The following LARP1 variants were observed in gnomAD, a reference collection of about 807,000 sequenced individuals.
The protein encoded by LARP1 is La ribonucleoprotein 1, translational regulator.
Under a neutral mutation model 122.7 loss-of-function variants are expected in LARP1, and 36 were observed. The observed-to-expected ratio is 0.29, with a 90% CI of 0.22 to 0.39. LARP1 has a LOEUF of 0.39. Among genes scored for constraint, LARP1 ranks in the 10% least tolerant of loss-of-function variants. LARP1 has a pLI of 1.00. For synonymous variants in LARP1, 539 were observed against 528.7 expected (o/e 1.02, Z -0.27); for missense variants, 1,040 against 1,403.6 (o/e 0.74, Z 4.14).
At chr5:154,765,510 C>T (rs1754867758) in intron 1 of LARP1, among the ~76,000 whole-genome samples, 1 of 152,202 alleles carries the variant, frequency 6.6e-6, no homozygotes, top group Non-Finnish European at 1.5e-5. Flanking sequence ...TCCACCTCAG[C>T]CTCCAGAGTA....
chr5:154,795,643 A>G (rs1013668026), intron 8 of LARP1, among the ~76,000 whole-genome samples: 2 of 151,730 alleles, frequency 1.3e-5, no homozygotes, highest in African/African-American at 4.8e-5. Flanking sequence ...AGAAAATCCT[A>G]GAAAACCTAG....
chr5:154,792,587 C>A lies in LARP1; in HGVS notation c.565-35C>A. The A allele has an allele frequency of 3.1e-6, 5 of 1,602,906 alleles. No individual in the cohort carries two copies. In the South Asian group the frequency reaches 3.3e-5, roughly 11 times the overall value. On this transcript the variant is annotated intron_variant, in intron 3 of 18. Transcript: ENST00000518297. Reference sequence around the variant, plus strand: ...TCCCTCCTATACCATGAGGCACTCACACTCACCTCACTGTTACTTTACTTC... The same window carrying A: ...TCCCTCCTATACCATGAGGCACTCAAACTCACCTCACTGTTACTTTACTTC...
At chr5:154,788,449 T>G (rs1472437264) in intron 1 of LARP1, among the ~76,000 whole-genome samples, 1 of 152,096 alleles carries the variant, frequency 6.6e-6, no homozygotes, top group Non-Finnish European at 1.5e-5. Flanking sequence ...GCAAGGACAC[T>G]CTCTACTCAT....
intron 1 of LARP1, among the ~76,000 whole-genome samples, chr5:154,714,151 G>A (rs936061848): frequency 6.6e-6 from 1 of 152,170 alleles, no homozygotes; most frequent in African/African-American, 2.4e-5. Flanking sequence ...AACAAAGTCT[G>A]TTCCATGGAA....
chr5:154,699,788 C>G (rs889810826), intron 1 of LARP1, among the ~76,000 whole-genome samples: 1 of 152,188 alleles, frequency 6.6e-6, no homozygotes, highest in African/African-American at 2.4e-5. Context: ...TACCCCAGCA[C>G]ATGCCCCTTC....
chr5:154,801,859 A>G (rs1460204633), intron 10 of LARP1, 148 bp from the exon 11 acceptor site: 3 of 682,504 alleles, frequency 4.4e-6, no homozygotes, highest in Admixed American at 2.9e-5. Flanking sequence ...GACTCCCAGG[A>G]TGACGCTTGT....
At chr5:154,725,557 GA>G (rs1168452618) in intron 1 of LARP1, among the ~76,000 whole-genome samples, 15 of 145,222 alleles carry the variant, frequency 1.0e-4, no homozygotes, top group Non-Finnish European at 1.4e-4. Flanking sequence ...CTCAAAAGAA[GA>G]AAAAAAAAAG....
At chr5:154,764,772 G>A (rs533685804) in intron 1 of LARP1, among the ~76,000 whole-genome samples, 14 of 151,374 alleles carry the variant, frequency 9.2e-5, no homozygotes, top group African/African-American at 2.7e-4. Flanking sequence ...GGGCGTCATC[G>A]TGCACACCTG....
At chr5:154,768,893 A>AT (rs1245959107) in intron 1 of LARP1, among the ~76,000 whole-genome samples, 1 of 151,124 alleles carries the variant, frequency 6.6e-6, no homozygotes, top group African/African-American at 2.4e-5. Context: ...ATTTTACTTT[A>AT]TTTTTTTGCG....
At chr5:154,739,964 T>C (rs542411416) in intron 1 of LARP1, among the ~76,000 whole-genome samples, 15 of 149,948 alleles carry the variant, frequency 1.0e-4, no homozygotes, top group African/African-American at 3.4e-4. Flanking sequence ...TTCAGGAGGC[T>C]GAGGCAGGAG....
At chr5:154,699,136 A>C (rs146367721) in intron 1 of LARP1, among the ~76,000 whole-genome samples, 1 of 152,156 alleles carries the variant, frequency 6.6e-6, no homozygotes. Context: ...TTATCTGACT[A>C]TTCCTGTTTT....
rs981544827 is a variant in LARP1, at chr5:154,755,821, G to A, written c.64G>A (p.Gly22Arg). The change falls in exon 1 of 19, where the codon GGG becomes AGG. Residue 22 changes from glycine (G) to arginine (R), a missense_variant. Physicochemically the swap from Gly to Arg is moderately radical, Grantham distance 125. Transcript: ENST00000518297. ...GATLLQAEEH[G>R]GLVRKKPPPA... ...CACGCTCTTGCAGGCCGAAGAGCAC[G>A]GGGGGCTGGTGAGGAAGAAGCCGCC... 3.6e-4 allele frequency: 358 copies of A among 999,514 alleles called. No homozygotes were observed. The highest frequency in any genetic ancestry group is 4.1e-4 in the Non-Finnish European group (347 of 838,204). The allele number at this position is 999,514 out of a possible 1,614,324, so 61.9% of individuals were successfully genotyped here.
At chr5:154,698,122 T>C (rs1433578780) in intron 1 of LARP1, among the ~76,000 whole-genome samples, 2 of 152,214 alleles carry the variant, frequency 1.3e-5, no homozygotes, top group African/African-American at 2.4e-5. Context: ...TTGCTTTTAT[T>C]ATAATTTTTC....
At position 154,747,274 on chromosome 5, in the gene LARP1, C is replaced by G. The variant is rs1176521340; in HGVS notation, c.205+34144C>G. Among the ~76,000 whole-genome samples, 7 of 148,246 alleles carry G rather than the reference C, an allele frequency of 4.7e-5. No homozygotes were observed. In the East Asian group the frequency reaches 1.4e-3, roughly 30 times the overall value. On this transcript the variant is annotated intron_variant, in intron 1 of 18. Coordinates refer to the LARP1 transcript ENST00000336314. ...TGAGTTGACATGGTGCCATTGCACTCTAGCCTGGGTGACAGAGCAAGACTC... is the reference window on the plus strand; with the variant it reads ...TGAGTTGACATGGTGCCATTGCACTGTAGCCTGGGTGACAGAGCAAGACTC...
At chr5:154,809,784 C>G (rs1451137468) in intron 16 of LARP1, among the ~76,000 whole-genome samples, 1 of 150,464 alleles carries the variant, frequency 6.6e-6, no homozygotes, top group African/African-American at 2.5e-5. Flanking sequence ...ACTGCAACCT[C>G]CACCTCCACC....
intron 1 of LARP1, among the ~76,000 whole-genome samples, chr5:154,735,545 T>TTTTTTTTATTTA (rs1554081516): frequency 7.0e-6 from 1 of 143,846 alleles, no homozygotes; most frequent in African/African-American, 2.5e-5. Flanking sequence ...TTATTTTTAT[T>TTTTTTTTATTTA]TTTATTTATT....
rs768578356 is a variant in LARP1, at chr5:154,792,649, C to T, written c.592C>T (p.Arg198Cys). The change falls in exon 4 of 19, where the codon CGT (arginine) becomes TGT (cysteine). Residue 198 changes from arginine (R) to cysteine (C), a missense_variant. By Grantham distance (180) the Arg-to-Cys change is radical. This residue lies in a region of LARP1 where 257 missense variants were observed against 273.3 expected (regional missense o/e 0.94). Coordinates refer to ENST00000518297, the MANE Select transcript of LARP1 (RefSeq NM_033551.3). Reference sequence around the variant, plus strand: ...ACAGTCCCACAAGCCTCAGCCTACCCGTAAACTGCCACCCAAGAAGGACAT... The same window carrying T: ...ACAGTCCCACAAGCCTCAGCCTACCTGTAAACTGCCACCCAAGAAGGACAT... ...QPQSHKPQPTRKLPPKKDMKE... is the reference protein window; with the variant it reads ...QPQSHKPQPTCKLPPKKDMKE... 5 of 1,614,030 alleles carry T rather than the reference C, an allele frequency of 3.1e-6. No individual in the cohort carries two copies. Among genetic ancestry groups the T allele is most frequent in the Non-Finnish European group, 4.2e-6 (5 of 1,179,982 alleles).
At chr5:154,759,306 C>G (rs1261196469) in intron 1 of LARP1, among the ~76,000 whole-genome samples, 3 of 152,100 alleles carry the variant, frequency 2.0e-5, no homozygotes, top group Non-Finnish European at 2.9e-5. Context: ...CTGGTTTTCT[C>G]TACCTGTAAT....
In LARP1 at chr5:154,696,096, C is replaced by G. The variant is rs571726766; in HGVS notation, c.-180+13059C>G. Among the ~76,000 whole-genome samples the G allele has an allele frequency of 4.7e-4, 71 of 152,130 alleles. 1 individual carries two copies. Among genetic ancestry groups the G allele is most frequent in the African/African-American group, 1.7e-3 (69 of 41,488 alleles). ...TTGAGGCTGGGCACGGTGGCTCACTCCTATAATCCTAGCACTTTGGGAGGC... is the reference window on the plus strand; with the variant it reads ...TTGAGGCTGGGCACGGTGGCTCACTGCTATAATCCTAGCACTTTGGGAGGC... On this transcript the variant is annotated intron_variant, in intron 1 of 18. Transcript: ENST00000687700.
Sources: allele counts gnomAD v4.1 joint callset (sites outside exome capture counted in the v4.1 genomes callset), GRCh38; gene constraint gnomAD v4.1.1; regional missense constraint gnomAD v4.1.1; transcripts MANE v1.5; gene names NCBI Gene and HGNC (gene_info 2026-07-23, HGNC 2026-07-21).